ZRSR2: variants seen among roughly 807,000 people sequenced by gnomAD.
ZRSR2 encodes U2 small nuclear ribonucleoprotein auxiliary factor 35 kDa subunit-related protein 2.
In ZRSR2, 3 loss-of-function variants were observed where a neutral mutation model predicts 39.4. The observed-to-expected ratio is 0.08, with a 90% CI of 0.03 to 0.20. ZRSR2 has a LOEUF of 0.20. Ranked by LOEUF, ZRSR2 falls within the 10% of genes least tolerant of loss-of-function variation. The pLI is 1.00. For missense variants in ZRSR2, 256 were observed against 391.5 expected, an observed-to-expected ratio of 0.65 and a Z score of 2.92; for synonymous variants, 137 against 136.0, an observed-to-expected ratio of 1.01 and a Z score of -0.05.
At chrX:15,804,040 C>A (rs1932753641) in intron 4 of ZRSR2, 71 bp from the exon 5 acceptor site, 1 of 1,072,767 alleles carries the variant, frequency 9.3e-7, no homozygotes, top group Admixed American at 4.2e-5. Context: ...AGTTTTTCAT[C>A]TATGTGCGCT....
chrX:15,819,461 C>T (rs1933050830), intron 9 of ZRSR2, among the ~76,000 whole-genome samples: 1 of 110,762 alleles, frequency 9.0e-6, no homozygotes, highest in Non-Finnish European at 1.9e-5. Context: ...CTGGTAGTCC[C>T]AGCTATTTGT....
Position 15,821,468 on chromosome X carries a change from T to G in ZRSR2, c.937+1152T>G, listed in dbSNP as rs974028122. ...TATTTTCTAACTAGGCTCTTTGTCT[T>G]TTTATTATTGAGTTGTAAGAGTTCT... On this transcript the variant is annotated intron_variant, in intron 10 of 10. Transcript: ENST00000307771. Among the ~76,000 whole-genome samples, 5 of 111,854 alleles carry G rather than the reference T, an allele frequency of 4.5e-5. No homozygotes were observed. In the Admixed American group the frequency reaches 4.8e-4, roughly 11 times the overall value.
chrX:15,809,236 C>T lies in ZRSR2; in HGVS notation c.475C>T (p.Pro159Ser). ...NGTTWQNPEP[P>S]VDFRVMEKDR... is the part of the protein sequence containing the mutation. ...TACCACATGGCAAAACCCAGAACCA[C>T]CCGTGGATTTCAGAGTAATGGAGAA... The change falls in exon 7 of 11, where the codon CCC (proline) becomes TCC (serine). Residue 159 changes from proline (P) to serine (S), a missense_variant. Transcript: ENST00000307771. 2 of 1,210,877 alleles carry T rather than the reference C, an allele frequency of 1.7e-6. No individual in the cohort carries two copies. Among genetic ancestry groups the T allele is most frequent in the Non-Finnish European group, 2.2e-6 (2 of 894,548 alleles).
chrX:15,798,111 A>G (rs778880658), intron 2 of ZRSR2, among the ~76,000 whole-genome samples: 4 of 112,725 alleles, frequency 3.5e-5, no homozygotes, highest in Non-Finnish European at 7.5e-5. Context: ...TGAAATAATA[A>G]AGTTTACTTA....
Position 15,813,094 on chromosome X carries a change from C to T in ZRSR2, c.558-2583C>T, listed in dbSNP as rs753892964. ...GATTCTATGTAGGACAAAGGTAATG[C>T]GTACCAGGAGCACTTCCCTGAGAAG... is the stretch of plus-strand genomic sequence containing the variant. On this transcript the variant is annotated intron_variant, in intron 7 of 10. Transcript: ENST00000307771. 1.3e-4 allele frequency among the ~76,000 whole-genome samples: 15 copies of T among 112,045 alleles called. No homozygotes were observed. The South Asian group carries it at 4.1e-3, about 30-fold the overall frequency.
chrX:15,794,672 A>T (rs1279432657), intron 2 of ZRSR2, among the ~76,000 whole-genome samples: 10 of 111,549 alleles, frequency 9.0e-5, no homozygotes. Context: ...GAGGTGGAAG[A>T]GGTGGAGGAG....
intron 2 of ZRSR2, among the ~76,000 whole-genome samples, chrX:15,799,565 C>G (rs1016766985): frequency 2.2e-4 from 24 of 108,193 alleles, no homozygotes; most frequent in Admixed American, 7.0e-4. Flanking sequence ...AGTGATTCTC[C>G]TGCCTCAGCT....
At chrX:15,800,964 T>G (rs1334006577) in intron 3 of ZRSR2, among the ~76,000 whole-genome samples, 1 of 112,262 alleles carries the variant, frequency 8.9e-6, no homozygotes, top group Non-Finnish European at 1.9e-5. Context: ...AATCAAATCA[T>G]AAGTCCATGT....
chrX:15,821,158 G>C (rs1465690967), intron 10 of ZRSR2, among the ~76,000 whole-genome samples: 1 of 110,925 alleles, frequency 9.0e-6, no homozygotes. Context: ...AGGATTCCTG[G>C]CTAAGGGAAA....
At chrX:15,804,292 A>T in intron 5 of ZRSR2, 95 bp downstream of exon 5, 2 of 1,077,122 alleles carry the variant, frequency 1.9e-6, no homozygotes, top group Non-Finnish European at 2.4e-6. Context: ...TTTTCTTGTC[A>T]TTTCATTGTT....
chrX:15,820,091 A>G (rs1353636327), intron 9 of ZRSR2, 116 bp from the exon 10 acceptor site: 2 of 660,816 alleles, frequency 3.0e-6, no homozygotes, highest in Non-Finnish European at 4.7e-6. Context: ...CCTAGGTACA[A>G]AATCAGTGAA....
chrX:15,792,295 G>T (rs780727254), intron 2 of ZRSR2, among the ~76,000 whole-genome samples: 272 of 111,881 alleles, frequency 2.4e-3, no homozygotes, highest in African/African-American at 8.3e-3. Flanking sequence ...GGTGGCAGGT[G>T]CCTGTAATCC....
chrX:15,796,687 A>G (rs1184967954), intron 2 of ZRSR2, among the ~76,000 whole-genome samples: 3 of 109,616 alleles, frequency 2.7e-5, no homozygotes, highest in African/African-American at 9.9e-5. Context: ...ATTATGTTGT[A>G]GCACAACTTT....
chrX:15,801,567 T>C (rs1002329851), intron 3 of ZRSR2: 3 of 163,773 alleles, frequency 1.8e-5, no homozygotes, highest in African/African-American at 9.4e-5. Context: ...TATTTCCTTG[T>C]CTGTAATATG....
chrX:15,808,110 A>G (rs1932827210), intron 5 of ZRSR2, 123 bp from the exon 6 acceptor site: 3 of 611,771 alleles, frequency 4.9e-6, no homozygotes, highest in Non-Finnish European at 8.2e-6. Flanking sequence ...ATTCAAAAGA[A>G]AACTAGAACT....
intron 4 of ZRSR2, 130 bp downstream of exon 4, chrX:15,803,926 A>T: frequency 5.1e-6 from 5 of 978,977 alleles, no homozygotes; most frequent in Non-Finnish European, 6.8e-6. Flanking sequence ...CTGGGCAGCA[A>T]GAGCGGAACT....
At chrX:15,790,572 G>T in intron 1 of ZRSR2, 36 bp downstream of exon 1, 2 of 1,156,342 alleles carry the variant, frequency 1.7e-6, no homozygotes, top group Non-Finnish European at 2.3e-6. Flanking sequence ...AGGCGAGCGG[G>T]CCGATCGTGG....
intron 2 of ZRSR2, among the ~76,000 whole-genome samples, chrX:15,797,563 G>T (rs1031596380): frequency 9.0e-6 from 1 of 111,716 alleles, no homozygotes; most frequent in Non-Finnish European, 1.9e-5. Flanking sequence ...TGATAAAATA[G>T]ACTAGTATGT....
rs996937937 is a variant in ZRSR2, at chrX:15,814,383, C to A, written c.558-1294C>A. ...GTAGCTCACACCTGTAATCCCAGAG[C>A]TTTGGGAGGCTGAGGCAGGAGGATC... is the stretch of plus-strand genomic sequence containing the variant. On this transcript the variant is annotated intron_variant, in intron 7 of 10. Transcript: ENST00000307771. Among the ~76,000 whole-genome samples the A allele has an allele frequency of 3.7e-4, 41 of 111,756 alleles. No homozygotes were observed. In the Admixed American group the frequency reaches 3.7e-3, roughly 10 times the overall value.
Sources: gnomAD v4.1 joint callset for allele counts (sites outside exome capture counted in the v4.1 genomes callset) on GRCh38, gnomAD v4.1.1 for gene constraint, MANE v1.5 for transcripts, NCBI Gene and HGNC (gene_info 2026-07-23, HGNC 2026-07-21) for gene names.